The following CIMIP2A variants were observed in gnomAD, a reference collection of about 807,000 sequenced individuals.
CIMIP2A encodes the protein ciliary microtubule inner protein 2A, also known as family with sequence similarity 166 member A.
chr9:137,247,559 G>C, the CIMIP2A span: 3 of 1,129,000 alleles, frequency 2.7e-6, no homozygotes, highest in Non-Finnish European at 3.9e-6. Flanking sequence ...CTGGGGTCCA[G>C]CTCTGGGCCC....
At chr9:137,246,231 G>A in the CIMIP2A span, among the ~76,000 whole-genome samples, 7 of 152,248 alleles carry the variant, frequency 4.6e-5, no homozygotes, top group African/African-American at 7.2e-5. Flanking sequence ...GGCGAGGGAC[G>A]GACCCTTGGA....
At chr9:137,247,093 C>T in the CIMIP2A span, among the ~76,000 whole-genome samples, 1 of 152,214 alleles carries the variant, frequency 6.6e-6, no homozygotes, top group South Asian at 2.1e-4. Context: ...CGAGACCAGC[C>T]TGACCAACAT....
the CIMIP2A span, chr9:137,251,270 A>T: frequency 1.9e-6 from 3 of 1,550,768 alleles, no homozygotes; most frequent in Non-Finnish European, 2.7e-6. Flanking sequence ...GTTGGGGAAG[A>T]GAGCCAGGAG....
At chr9:137,245,415 C>T in the CIMIP2A span, 455 of 1,613,710 alleles carry the variant, frequency 2.8e-4, 7 homozygotes, top group South Asian at 3.8e-3. Flanking sequence ...CTGGTGGGCA[C>T]GGAGGGTGCG....
chr9:137,244,316 C>G, the CIMIP2A span: 1 of 1,612,736 alleles, frequency 6.2e-7, no homozygotes, highest in Non-Finnish European at 8.5e-7. Context: ...TGCTAACAAG[C>G]TCCCTCCCCG....
At chr9:137,253,985 C>A in the CIMIP2A span, among the ~76,000 whole-genome samples, 2 of 152,190 alleles carry the variant, frequency 1.3e-5, no homozygotes, top group African/African-American at 4.8e-5. Context: ...GGACCCTGCA[C>A]TGCCCCTGCC....
chr9:137,248,131 C>A, the CIMIP2A span, among the ~76,000 whole-genome samples: 1 of 152,236 alleles, frequency 6.6e-6, no homozygotes, highest in East Asian at 1.9e-4. Context: ...GGCTTCCCGG[C>A]CTGCAGGGCT....
At chr9:137,244,470 C>CA in the CIMIP2A span, 1 of 1,498,856 alleles carries the variant, frequency 6.7e-7, no homozygotes, top group Non-Finnish European at 8.9e-7. Context: ...AAGCAAGACT[C>CA]AGGAGAGAGG....
At chr9:137,253,846 T>C in the CIMIP2A span, among the ~76,000 whole-genome samples, 3 of 152,180 alleles carry the variant, frequency 2.0e-5, no homozygotes, top group South Asian at 6.2e-4. Flanking sequence ...CCCAGGGATC[T>C]GCTCACCAGG....
chr9:137,243,655 C>T, the CIMIP2A span: 14 of 1,614,086 alleles, frequency 8.7e-6, no homozygotes, highest in Non-Finnish European at 8.5e-6. Flanking sequence ...TTGCTGTTTT[C>T]CCTGTCCACA....
the CIMIP2A span, chr9:137,252,971 G>A: frequency 2.5e-6 from 4 of 1,589,630 alleles, no homozygotes; most frequent in Non-Finnish European, 3.4e-6. Context: ...CACCTGTAAG[G>A]AGGCCTGGAG....
At chr9:137,245,888 C>T in the CIMIP2A span, 4 of 1,460,442 alleles carry the variant, frequency 2.7e-6, no homozygotes, top group African/African-American at 1.4e-5. Context: ...GGGCAGGTCT[C>T]AAGGGCAGCC....
At chr9:137,252,697 GCCCGCCTTC>G in the CIMIP2A span, 5 of 1,550,666 alleles carry the variant, frequency 3.2e-6, no homozygotes, top group Admixed American at 7.8e-5. Flanking sequence ...TGCTCAGCCG[GCCCGCCTTC>G]CCCGCCTTCA....
chr9:137,245,876 C>T, the CIMIP2A span: 2 of 1,485,274 alleles, frequency 1.3e-6, no homozygotes, highest in Non-Finnish European at 1.8e-6. Context: ...GAGAAGAAGG[C>T]AGGGCAGGTC....
the CIMIP2A span, chr9:137,244,123 C>T: frequency 4.5e-6 from 7 of 1,567,682 alleles, no homozygotes; most frequent in Non-Finnish European, 3.5e-6. Context: ...GCCGTCCCTC[C>T]CCACATTGGC....
At chr9:137,252,375 G>T in the CIMIP2A span, 9 of 1,524,896 alleles carry the variant, frequency 5.9e-6, no homozygotes, top group Non-Finnish European at 8.1e-6. Context: ...AGACAGGTTC[G>T]AGTGGGGACT....
At chr9:137,252,077 C>T in the CIMIP2A span, 406 of 1,612,696 alleles carry the variant, frequency 2.5e-4, no homozygotes, top group Non-Finnish European at 3.2e-4. Flanking sequence ...CGAGCCCGTC[C>T]GTACGAGAGT....
the CIMIP2A span, chr9:137,243,759 CGAATGTCA>C: frequency 8.1e-6 from 13 of 1,613,940 alleles, no homozygotes; most frequent in African/African-American, 1.3e-4. Context: ...GTGCTGTTGC[CGAATGTCA>C]GGGCGTAGTT....
chr9:137,251,918 C>CCA, the CIMIP2A span: 2 of 1,601,180 alleles, frequency 1.2e-6, no homozygotes, highest in Admixed American at 1.7e-5. Flanking sequence ...CCTGGCCACC[C>CCA]CACCCCCAAG....
Sources: allele counts gnomAD v4.1 joint callset (sites outside exome capture counted in the v4.1 genomes callset), GRCh38; gene constraint gnomAD v4.1.1; transcripts MANE v1.5; gene names NCBI Gene and HGNC (gene_info 2026-07-23, HGNC 2026-07-21).